Variants in INTS7 observed in about 807,000 individuals in gnomAD.
INTS7 encodes chromosome 1 open reading frame 73.
INTS7 carries 46 observed loss-of-function variants against 109.2 expected under a neutral mutation model. The observed-to-expected ratio is 0.42, with a 90% CI of 0.33 to 0.54. The LOEUF (loss-of-function observed/expected upper bound fraction) is 0.54. Among genes scored for constraint, INTS7 ranks in the 20% least tolerant of loss-of-function variants. The pLI, the probability that INTS7 is intolerant of heterozygous loss-of-function variation, is 0.07. For missense variants in INTS7, 929 were observed against 1,132.4 expected (o/e 0.82, Z 2.58); for synonymous variants, 412 against 402.9 (o/e 1.02, Z -0.27).
chr1:212,011,016 C>G (rs1474830643), intron 5 of INTS7, among the ~76,000 whole-genome samples: 7 of 152,128 alleles, frequency 4.6e-5, no homozygotes, highest in African/African-American at 1.4e-4. Context: ...AAAGTCCCTT[C>G]TCTGATCAAT....
chr1:211,949,480 T>C (rs747623231), intron 17 of INTS7, among the ~76,000 whole-genome samples: 4 of 152,202 alleles, frequency 2.6e-5, no homozygotes, highest in African/African-American at 4.8e-5. Flanking sequence ...CATCATCTCA[T>C]GTCTAGTTAA....
intron 7 of INTS7, among the ~76,000 whole-genome samples, chr1:211,998,266 C>T (rs114984956): frequency 0.011 from 1,606 of 152,316 alleles, 23 homozygotes; most frequent in South Asian, 0.058. Flanking sequence ...ACATCCCACC[C>T]AGCGTAACAA....
rs1346672554 is a variant in INTS7 at position 211,978,283 on chromosome 1, G to T, written c.1459C>A (p.Gln487Lys). The part of the protein sequence containing the change: ...VIGRSATDKQ[Q>K]ELLVSLATVI... ...AATGGGCTTTTTACCAGAAGTTCTT[G>T]TTGCTTGTCTGTGGCTGATCGTCCA... The change falls in exon 11 of 20, where the codon CAA becomes AAA. Residue 487 changes from glutamine (Q) to lysine (K), a missense_variant. Physicochemically the swap from Gln to Lys is moderately conservative, Grantham distance 53. Transcript: ENST00000366994. The T allele has an allele frequency of 6.2e-7, 1 of 1,613,986 alleles. No homozygotes were observed.
At chr1:212,027,403 G>A (rs1666974356) in intron 1 of INTS7, among the ~76,000 whole-genome samples, 1 of 152,068 alleles carries the variant, frequency 6.6e-6, no homozygotes, top group South Asian at 2.1e-4. Context: ...ACTACTGTAA[G>A]CCCAGAGATA....
At chr1:211,984,629 A>G (rs1664812361) in intron 8 of INTS7, among the ~76,000 whole-genome samples, 1 of 152,164 alleles carries the variant, frequency 6.6e-6, no homozygotes, top group Admixed American at 6.5e-5. Flanking sequence ...ATGATTTTCT[A>G]AGATAAACTC....
intron 1 of INTS7, among the ~76,000 whole-genome samples, 171 bp from the exon 2 acceptor site, chr1:212,021,383 A>C (rs1426728015): frequency 1.3e-5 from 2 of 152,188 alleles, no homozygotes; most frequent in African/African-American, 4.8e-5. Context: ...TTGAAATAGT[A>C]ATCTGGAAAT....
At chr1:211,982,557 G>A (rs1007176292) in intron 9 of INTS7, 119 bp downstream of exon 9, 17 of 682,126 alleles carry the variant, frequency 2.5e-5, no homozygotes, top group Non-Finnish European at 4.1e-5. Context: ...TTTGAAAGGA[G>A]TCAATTTGTA....
Position 211,968,505 on chromosome 1 carries a change from A to C in INTS7, c.2010+8T>G, listed in dbSNP as rs745599651. 3.7e-6 allele frequency: 6 copies of C among 1,608,382 alleles called. No homozygotes were observed. Among genetic ancestry groups the C allele is most frequent in the South Asian group, 2.2e-5 (2 of 90,384 alleles). On this transcript the variant is annotated splice_region_variant and intron_variant, in intron 14 of 19. Transcript: ENST00000366994. The stretch of plus-strand genomic sequence containing the variant: ...TAAATAAAAAATGCACTGAAAGTTA[A>C]GACATGCCTGATTGGAGATGCGACC...
chr1:212,003,925 G>T (rs372636664), intron 7 of INTS7, among the ~76,000 whole-genome samples: 8 of 152,244 alleles, frequency 5.3e-5, no homozygotes, highest in African/African-American at 1.2e-4. Flanking sequence ...AAAGGAACAG[G>T]GGAGACAGAG....
intron 16 of INTS7, among the ~76,000 whole-genome samples, chr1:211,956,175 T>C (rs969996410): frequency 1.8e-4 from 28 of 152,234 alleles, no homozygotes; most frequent in African/African-American, 6.8e-4. Context: ...TCTTTTCCCA[T>C]ACAATTATTT....
chr1:211,966,589 G>C, intron 15 of INTS7, 91 bp from the exon 16 acceptor site: 1 of 768,792 alleles, frequency 1.3e-6, no homozygotes, highest in South Asian at 1.6e-5. Flanking sequence ...AAGATTTAAT[G>C]ATTGCCTAGT....
chr1:212,020,057 G>A (rs985621608), intron 3 of INTS7, 65 bp downstream of exon 3: 7 of 1,126,360 alleles, frequency 6.2e-6, no homozygotes, highest in Middle Eastern at 2.4e-4. Flanking sequence ...TAAATACACT[G>A]CCTTTTTTGT....
intron 1 of INTS7, among the ~76,000 whole-genome samples, chr1:212,021,426 A>T (rs952889635): frequency 6.6e-5 from 10 of 152,246 alleles, no homozygotes; most frequent in East Asian, 5.8e-4. Context: ...ATGAAAAAAA[A>T]TTTTTTAAAG....
chr1:212,026,799 T>C (rs1558061025), intron 1 of INTS7, among the ~76,000 whole-genome samples: 1 of 152,220 alleles, frequency 6.6e-6, no homozygotes, highest in Admixed American at 6.5e-5. Context: ...CTGTTTGTAA[T>C]GAATTAACCT....
At chr1:212,030,569 G>A (rs960568481) in intron 1 of INTS7, among the ~76,000 whole-genome samples, 1 of 152,144 alleles carries the variant, frequency 6.6e-6, no homozygotes, top group Non-Finnish European at 1.5e-5. Context: ...GATGACAGGT[G>A]TGAGTCACTG....
chr1:211,989,769 C>A (rs983932817), intron 7 of INTS7, among the ~76,000 whole-genome samples: 5 of 150,880 alleles, frequency 3.3e-5, no homozygotes, highest in African/African-American at 1.2e-4. Context: ...TTGCAGTGAG[C>A]CAAGATCGCG....
intron 5 of INTS7, among the ~76,000 whole-genome samples, chr1:212,010,420 T>C (rs527983809): frequency 1.3e-5 from 2 of 152,302 alleles, no homozygotes; most frequent in African/African-American, 2.4e-5. Flanking sequence ...TTGTAGTCTA[T>C]GGTAAGGAAT....
chr1:211,953,267 C>A (rs1663191611), intron 16 of INTS7, among the ~76,000 whole-genome samples: 1 of 152,184 alleles, frequency 6.6e-6, no homozygotes, highest in Non-Finnish European at 1.5e-5. Context: ...AGTCTGTATA[C>A]ACAGCGTGCT....
chr1:211,971,193 A>G (rs959210363), intron 13 of INTS7, among the ~76,000 whole-genome samples: 1 of 151,908 alleles, frequency 6.6e-6, no homozygotes, highest in African/African-American at 2.4e-5. Context: ...TCTGCACTAA[A>G]TACCAGTAAC....
Sources: gnomAD v4.1 joint callset for allele counts (sites outside exome capture counted in the v4.1 genomes callset) on GRCh38, gnomAD v4.1.1 for gene constraint, MANE v1.5 for transcripts, NCBI Gene and HGNC (gene_info 2026-07-23, HGNC 2026-07-21) for gene names.